The following MFSD6 variants were observed in gnomAD, a reference collection of about 807,000 sequenced individuals.
The protein encoded by MFSD6 is major facilitator superfamily domain containing 6.
Under a neutral mutation model 56.3 loss-of-function variants are expected in MFSD6, and 26 were observed. The ratio of observed to expected loss-of-function variants is 0.46; its 90% CI spans 0.34 to 0.64. The LOEUF is 0.64. Ranked by LOEUF, MFSD6 falls within the 30% of genes least tolerant of loss-of-function variation. MFSD6 has a pLI of 0.01. For synonymous variants in MFSD6, 331 were observed against 366.9 expected, an observed-to-expected ratio of 0.90 and a Z score of 1.12; for missense variants, 750 against 986.2, an observed-to-expected ratio of 0.76 and a Z score of 3.21.
At position 190,439,525 on chromosome 2, in the gene MFSD6, G is replaced by A. The variant is rs1311015744; in HGVS notation, c.1532+1964G>A. Among the ~76,000 whole-genome samples, 4 of 152,132 alleles carry A rather than the reference G, an allele frequency of 2.6e-5. No individual in the cohort carries two copies. Among genetic ancestry groups the A allele is most frequent in the Middle Eastern group, 3.2e-3 (1 of 314 alleles). ...TCTCTTCTACCTTTGCCTTTTGTCT[G>A]AGACATATGCAGCATTTTCATGATA... On this transcript the variant is annotated intron_variant, in intron 3 of 7. Coordinates refer to ENST00000392328, the MANE Select transcript of MFSD6 (RefSeq NM_017694.4). The surrounding 1 kb of genome is among the most constrained non-coding windows in gnomAD (Gnocchi z 5.8).
rs1432383072 is a variant in MFSD6 at position 190,496,683 on chromosome 2, T to C, written c.1892-756T>C. On this transcript the variant is annotated intron_variant, in intron 6 of 7. Transcript: ENST00000392328. This position sits in a 1 kb window ranked among gnomAD's most constrained non-coding sequence, Gnocchi z 4.7. ...ATGTGTGTGTATGTGTGTGTGTATA[T>C]ACACACACACACATATACATACATA... Among the ~76,000 whole-genome samples the C allele has an allele frequency of 2.6e-5, 4 of 151,790 alleles. No homozygotes were observed. The highest frequency in any genetic ancestry group is 4.2e-4 in the South Asian group (2 of 4,810).
intron 4 of MFSD6, among the ~76,000 whole-genome samples, chr2:190,484,787 C>T (rs1688916861): frequency 6.6e-6 from 1 of 152,118 alleles, no homozygotes; most frequent in African/African-American, 2.4e-5. Flanking sequence ...AATTTAATTG[C>T]TTCTTCACTT....
Position 190,489,335 on chromosome 2 carries a change from T to G in MFSD6, c.1793-433T>G, listed in dbSNP as rs73979255. On this transcript the variant is annotated intron_variant, in intron 5 of 7. Transcript: ENST00000392328. The surrounding 1 kb of genome is among the most constrained non-coding windows in gnomAD (Gnocchi z 6.6). ...ATGAGATTATTCTGCTCCAGGAATC[T>G]TAACTACTCAGTCATCTATTAATAT... is the stretch of plus-strand genomic sequence containing the variant. Among the ~76,000 whole-genome samples, 685 of 152,340 alleles carry G rather than the reference T, an allele frequency of 4.5e-3. 10 individuals are homozygous for G. Among genetic ancestry groups the G allele is most frequent in the African/African-American group, 0.016 (651 of 41,572 alleles).
At chr2:190,430,392 G>A (rs1242094076) in intron 2 of MFSD6, among the ~76,000 whole-genome samples, 1 of 150,812 alleles carries the variant, frequency 6.6e-6, no homozygotes, top group African/African-American at 2.4e-5. Flanking sequence ...TTGAGATTAG[G>A]GAGTGGTGAT....
At chr2:190,435,206 T>G (rs929611476) in intron 2 of MFSD6, 1 of 152,342 alleles carries the variant, frequency 6.6e-6, no homozygotes, top group Non-Finnish European at 1.5e-5. Flanking sequence ...CTCTTATTAG[T>G]TAAACCTGCC....
rs184312697 is a variant in MFSD6 at position 190,437,181 on chromosome 2, C to T, written c.1152C>T (p.Ile384=). The change falls in exon 3 of 8, where the codon ATC becomes ATT. Residue 384 remains isoleucine, a synonymous_variant. Transcript: ENST00000392328. This position sits in a 1 kb window ranked among gnomAD's most constrained non-coding sequence, Gnocchi z 5.9. ...GCGTTCTCATGACCATGGCCTTGAT[C>T]GTTGCCACTCAGTTCCGGTTCCGCT... ...VFGVLMTMAL[I]VATQFRFRYN... 9 of 1,614,216 alleles carry T rather than the reference C, an allele frequency of 5.6e-6. No homozygotes were observed. Among genetic ancestry groups the T allele is most frequent in the Admixed American group, 1.7e-5 (1 of 60,030 alleles).
chr2:190,414,784 AAAATT>A (rs1454420955), intron 1 of MFSD6, among the ~76,000 whole-genome samples: 2 of 152,246 alleles, frequency 1.3e-5, no homozygotes, highest in Admixed American at 6.5e-5. Flanking sequence ...GTATAAGAAA[AAAATT>A]AAATAAGTCC....
At position 190,469,892 on chromosome 2, in the gene MFSD6, CT is replaced by C. The variant is rs1687820272; in HGVS notation, c.1630+39del. 1 of 1,459,742 alleles carries C rather than the reference CT, an allele frequency of 6.9e-7. No individual in the cohort carries two copies. Among genetic ancestry groups the C allele is most frequent in the Non-Finnish European group, 9.6e-7 (1 of 1,045,856 alleles). The allele number at this position is 1,459,742 out of a possible 1,614,324, so 90.4% of individuals were successfully genotyped here. A position where few individuals can be genotyped will look rare whatever the true frequency, so the allele number is the denominator to read the frequency against. On this transcript the variant is annotated intron_variant, in intron 4 of 7. Transcript: ENST00000392328. The surrounding 1 kb of genome is among the most constrained non-coding windows in gnomAD (Gnocchi z 5.3). Reference sequence around the variant, plus strand: ...GCTGGGATTGAAATTATTTCTCTGCCTTCCCTGAGCTGTGGCTAAAAGCCCA... The same window carrying C: ...GCTGGGATTGAAATTATTTCTCTGCCTCCCTGAGCTGTGGCTAAAAGCCCA...
Position 190,438,611 on chromosome 2 carries a change from C to T in MFSD6, c.1532+1050C>T, listed in dbSNP as rs1308539418. 6.6e-6 allele frequency among the ~76,000 whole-genome samples: 1 copy of T among 152,224 alleles called. No homozygotes were observed. Among genetic ancestry groups the T allele is most frequent in the Non-Finnish European group, 1.5e-5 (1 of 68,042 alleles). ...ACCTTGCTCTTTAGAGATCTTTCTGCTCTGTTGGCTCTAAATGTGGAGCCA... is the reference window on the plus strand; with the variant it reads ...ACCTTGCTCTTTAGAGATCTTTCTGTTCTGTTGGCTCTAAATGTGGAGCCA... On this transcript the variant is annotated intron_variant, in intron 3 of 7. Transcript: ENST00000392328. The surrounding 1 kb of genome is among the most constrained non-coding windows in gnomAD (Gnocchi z 5.2).
Position 190,443,136 on chromosome 2 carries a change from G to A in MFSD6, c.1532+5575G>A, listed in dbSNP as rs1302132219. 1 of 152,146 alleles carries A rather than the reference G, an allele frequency of 6.6e-6. No homozygotes were observed. Among genetic ancestry groups the A allele is most frequent in the East Asian group, 1.9e-4 (1 of 5,200 alleles). The allele number at this position is 152,146 out of a possible 1,614,324, so 9.4% of individuals were successfully genotyped here. On this transcript the variant is annotated intron_variant, in intron 3 of 7. Coordinates refer to ENST00000392328, the MANE Select transcript of MFSD6 (RefSeq NM_017694.4). The surrounding 1 kb of genome is among the most constrained non-coding windows in gnomAD (Gnocchi z 4.2). ...AGCACCCCCCAATATCATCACCTGA[G>A]CCAGGAACCCTCTGTGGGTGTTCCT...
chr2:190,473,668 CAGAA>C (rs1484922077), intron 4 of MFSD6, among the ~76,000 whole-genome samples: 1 of 152,184 alleles, frequency 6.6e-6, no homozygotes, highest in Non-Finnish European at 1.5e-5. Context: ...ATCAACGAGA[CAGAA>C]AGTCAGTAAG....
Position 190,431,805 on chromosome 2 carries a change from TATC to T in MFSD6, c.-53-4168_-53-4166del, listed in dbSNP as rs946989558. ...GAAATTGCCTTAAATTTTTCTTTCA[TATC>T]ATCTCAATTTTTCATTTATGCTATA... On this transcript the variant is annotated intron_variant, in intron 2 of 7. Coordinates refer to ENST00000392328, the MANE Select transcript of MFSD6 (RefSeq NM_017694.4). The surrounding 1 kb of genome is among the most constrained non-coding windows in gnomAD (Gnocchi z 4.4). 4.6e-5 allele frequency among the ~76,000 whole-genome samples: 7 copies of T among 152,338 alleles called. No homozygotes were observed. The highest frequency in any genetic ancestry group is 2.6e-4 in the Admixed American group (4 of 15,308).
chr2:190,440,592 CATTTGTAA>C (rs1359767371), intron 3 of MFSD6, among the ~76,000 whole-genome samples: 1 of 152,150 alleles, frequency 6.6e-6, no homozygotes, highest in Non-Finnish European at 1.5e-5. Context: ...TGCAGTAAAT[CATTTGTAA>C]ATTTGTAAAT....
At chr2:190,479,078 A>G (rs1369170549) in intron 4 of MFSD6, among the ~76,000 whole-genome samples, 2 of 152,142 alleles carry the variant, frequency 1.3e-5, no homozygotes, top group East Asian at 1.9e-4. Context: ...CTCTCAGGCC[A>G]TGTTCATAAT....
intron 2 of MFSD6, chr2:190,435,433 C>T (rs148271583): frequency 1.3e-5 from 2 of 152,550 alleles, no homozygotes; most frequent in African/African-American, 4.8e-5. Flanking sequence ...CCTTCATTAC[C>T]AGGGTATCTT....
intron 3 of MFSD6, among the ~76,000 whole-genome samples, chr2:190,450,488 CTTTTT>C (rs10665730): frequency 1.2e-3 from 115 of 97,262 alleles, no homozygotes; most frequent in Middle Eastern, 0.018. Context: ...TCTCTTTTTC[CTTTTT>C]TTTTTTTTTT....
rs1574275391 is a variant in MFSD6, at chr2:190,499,553, C to G, written c.2173-462C>G. Among the ~76,000 whole-genome samples, 2 of 152,212 alleles carry G rather than the reference C, an allele frequency of 1.3e-5. No homozygotes were observed. Among genetic ancestry groups the G allele is most frequent in the African/African-American group, 4.8e-5 (2 of 41,450 alleles). On this transcript the variant is annotated intron_variant, in intron 7 of 7. Coordinates refer to ENST00000392328, the MANE Select transcript of MFSD6 (RefSeq NM_017694.4). The surrounding 1 kb of genome is among the most constrained non-coding windows in gnomAD (Gnocchi z 6.0). ...TCAGGACTCTTAATTACAGGACATT[C>G]TTTCCCAGCTCTGCCTCCAAGGATA... is the stretch of plus-strand genomic sequence containing the variant.
In MFSD6 at chr2:190,501,081, C is replaced by T. The variant is rs1341804226; in HGVS notation, c.*863C>T. The T allele has an allele frequency of 6.6e-6, 1 of 152,120 alleles. No individual in the cohort carries two copies. Among genetic ancestry groups the T allele is most frequent in the Admixed American group, 6.5e-5 (1 of 15,282 alleles). The allele number at this position is 152,120 out of a possible 1,614,324, so 9.4% of individuals were successfully genotyped here. A position where few individuals can be genotyped will look rare whatever the true frequency, so the allele number is the denominator to read the frequency against. On this transcript the variant is annotated 3_prime_UTR_variant, in exon 8 of 8. Coordinates refer to ENST00000392328, the MANE Select transcript of MFSD6 (RefSeq NM_017694.4). ...TTACTATCTTATAGTAATTCAGGCT[C>T]TAATTAGCTGAGGGAATGAAACACA... is the stretch of plus-strand genomic sequence containing the variant.
intron 3 of MFSD6, among the ~76,000 whole-genome samples, chr2:190,452,576 T>TA (rs1553519387): frequency 6.6e-6 from 1 of 152,338 alleles, no homozygotes; most frequent in Non-Finnish European, 1.5e-5. Context: ...AGCTGCTACC[T>TA]TATAGCTTCA....
Sources: allele counts gnomAD v4.1 joint callset (sites outside exome capture counted in the v4.1 genomes callset), GRCh38; gene constraint gnomAD v4.1.1; non-coding constraint Gnocchi (gnomAD v3.1); transcripts MANE v1.5; gene names NCBI Gene and HGNC (gene_info 2026-07-23, HGNC 2026-07-21).